Variants in GALNT18 observed in about 807,000 individuals in gnomAD.
GALNT18 encodes the protein GalNAc-transferase 18.
In GALNT18, 44 loss-of-function variants were observed where a neutral mutation model predicts 69.5. The ratio of observed to expected loss-of-function variants is 0.63; its 90% CI spans 0.50 to 0.81. GALNT18 has a LOEUF of 0.81. Among genes scored for constraint, GALNT18 ranks in the 40% least tolerant of loss-of-function variants. The pLI, the probability that GALNT18 is intolerant of heterozygous loss-of-function variation, is 0.00. For missense variants in GALNT18, 715 were observed against 810.0 expected (o/e 0.88, Z 1.42); for synonymous variants, 364 against 318.2 (o/e 1.14, Z -1.53).
rs1345292991 is a variant in GALNT18, at chr11:11,543,302, T to A, written c.235+78057A>T. On this transcript the variant is annotated intron_variant, in intron 1 of 10. Coordinates refer to ENST00000227756, the MANE Select transcript of GALNT18 (RefSeq NM_198516.3). This position sits in a 1 kb window ranked among gnomAD's most constrained non-coding sequence, Gnocchi z 5.1. ...TTGAGAGTAAGTAGAATTTGTGGCC[T>A]AGGTGTCCACTGTCTTAGCTTCATT... 6.6e-6 allele frequency among the ~76,000 whole-genome samples: 1 copy of A among 152,236 alleles called. No homozygotes were observed. Among genetic ancestry groups the A allele is most frequent in the Non-Finnish European group, 1.5e-5 (1 of 68,038 alleles).
chr11:11,285,006 G>A (rs1452674351), intron 10 of GALNT18, among the ~76,000 whole-genome samples: 4 of 147,990 alleles, frequency 2.7e-5, no homozygotes, highest in Admixed American at 1.4e-4. Flanking sequence ...TGTGTGAAGG[G>A]CCCCTTGGAC....
chr11:11,284,908 G>GT (rs58795517), intron 10 of GALNT18, among the ~76,000 whole-genome samples: 1,221 of 82,764 alleles, frequency 0.015, 23 homozygotes, highest in East Asian at 0.041. Flanking sequence ...AGACTTTCGT[G>GT]TTTTTTTTTT....
rs112957156 is a variant in GALNT18 at position 11,373,338 on chromosome 11, T to C, written c.978-709A>G. On this transcript the variant is annotated intron_variant, in intron 5 of 10. Coordinates refer to ENST00000227756, the MANE Select transcript of GALNT18 (RefSeq NM_198516.3). ...CAGAGATAGGAATTTTTTAAAGACA[T>C]ATTTTGATGTAAAATCAGCCCAACT... 9.2e-5 allele frequency among the ~76,000 whole-genome samples: 14 copies of C among 152,266 alleles called. 2 individuals carry two copies. The highest frequency in any genetic ancestry group is 3.1e-4 in the African/African-American group (13 of 41,556).
At chr11:11,545,857 A>G (rs570172990) in intron 1 of GALNT18, among the ~76,000 whole-genome samples, 1 of 152,150 alleles carries the variant, frequency 6.6e-6, no homozygotes, top group Non-Finnish European at 1.5e-5. Context: ...CCTGGATCCC[A>G]GGGGGGATGT....
intron 10 of GALNT18, among the ~76,000 whole-genome samples, chr11:11,291,861 T>TA (rs1241292393): frequency 3.3e-5 from 5 of 152,190 alleles, no homozygotes; most frequent in Non-Finnish European, 7.3e-5. Flanking sequence ...CTGTAAGTGC[T>TA]CTAATTCTGC....
chr11:11,545,808 T>C (rs1476947923), intron 1 of GALNT18, among the ~76,000 whole-genome samples: 1 of 152,208 alleles, frequency 6.6e-6, no homozygotes, highest in African/African-American at 2.4e-5. Flanking sequence ...TTCTGCATTG[T>C]CCTGAGCTAC....
At position 11,389,612 on chromosome 11, in the gene GALNT18, C is replaced by G. The variant is rs576518467; in HGVS notation, c.596-10348G>C. 1.0e-3 allele frequency among the ~76,000 whole-genome samples: 157 copies of G among 152,310 alleles called. 1 individual carries two copies. Among genetic ancestry groups the G allele is most frequent in the African/African-American group, 3.3e-3 (137 of 41,570 alleles). Reference sequence around the variant, plus strand: ...GATAGGTGACTGATGTCAGCTGTGTCCAGGCAGGAGTGGACGCTGCTCCAG... The same window carrying G: ...GATAGGTGACTGATGTCAGCTGTGTGCAGGCAGGAGTGGACGCTGCTCCAG... On this transcript the variant is annotated intron_variant, in intron 3 of 10. Coordinates refer to ENST00000227756, the MANE Select transcript of GALNT18 (RefSeq NM_198516.3). This position sits in a 1 kb window ranked among gnomAD's most constrained non-coding sequence, Gnocchi z 4.3.
At position 11,538,365 on chromosome 11, in the gene GALNT18, T is replaced by C. The variant is rs753973810; in HGVS notation, c.235+82994A>G. ...CAGGGAGCAGCTGGAGGAGGGCTGC[T>C]CTTTCTGCCGCATGTTCATTTCAGC... On this transcript the variant is annotated intron_variant, in intron 1 of 10. Transcript: ENST00000227756. The surrounding 1 kb of genome is among the most constrained non-coding windows in gnomAD (Gnocchi z 5.2). Among the ~76,000 whole-genome samples, 12 of 152,226 alleles carry C rather than the reference T, an allele frequency of 7.9e-5. No individual in the cohort carries two copies. Among genetic ancestry groups the C allele is most frequent in the Non-Finnish European group, 1.8e-4 (12 of 68,002 alleles).
intron 1 of GALNT18, among the ~76,000 whole-genome samples, chr11:11,575,135 C>A (rs996778710): frequency 5.9e-5 from 9 of 152,136 alleles, no homozygotes; most frequent in Non-Finnish European, 1.2e-4. Context: ...ACAACTAATT[C>A]CTGGCAGGGT....
At chr11:11,325,574 T>C (rs1046089552) in intron 9 of GALNT18, among the ~76,000 whole-genome samples, 2 of 152,126 alleles carry the variant, frequency 1.3e-5, no homozygotes, top group Non-Finnish European at 2.9e-5. Context: ...TAAGAAAATA[T>C]ATATTATATA....
intron 1 of GALNT18, among the ~76,000 whole-genome samples, chr11:11,455,022 C>T (rs1245096405): frequency 6.6e-6 from 1 of 152,204 alleles, no homozygotes; most frequent in Non-Finnish European, 1.5e-5. Context: ...AGCAAGCAGT[C>T]ATTCCTGCCC....
intron 1 of GALNT18, among the ~76,000 whole-genome samples, chr11:11,611,910 C>A (rs1859913425): frequency 6.6e-6 from 1 of 152,194 alleles, no homozygotes; most frequent in African/African-American, 2.4e-5. Context: ...TGCTGCCCAC[C>A]CTACCCTCCA....
At chr11:11,326,023 A>G (rs1849911094) in intron 9 of GALNT18, among the ~76,000 whole-genome samples, 1 of 148,780 alleles carries the variant, frequency 6.7e-6, no homozygotes, top group Non-Finnish European at 1.5e-5. Context: ...ACATAGGCAT[A>G]TCTTACATGC....
chr11:11,306,572 T>G (rs976910698), intron 9 of GALNT18, among the ~76,000 whole-genome samples: 5 of 152,232 alleles, frequency 3.3e-5, no homozygotes, highest in African/African-American at 9.6e-5. Flanking sequence ...AGACCTCAGA[T>G]AGCAATGCCA....
intron 6 of GALNT18, among the ~76,000 whole-genome samples, chr11:11,367,748 T>C (rs1850804231): frequency 1.3e-5 from 2 of 152,230 alleles, no homozygotes; most frequent in Admixed American, 1.3e-4. Flanking sequence ...AATCAGTTTC[T>C]CCATGTCCGT....
At chr11:11,495,260 C>A (rs1029068777) in intron 1 of GALNT18, among the ~76,000 whole-genome samples, 1 of 152,102 alleles carries the variant, frequency 6.6e-6, no homozygotes, top group East Asian at 1.9e-4. Context: ...ATGGTGTATA[C>A]AGGAATGTTA....
chr11:11,379,312 C>A, intron 3 of GALNT18, 48 bp from the exon 4 acceptor site: 1 of 1,544,084 alleles, frequency 6.5e-7, no homozygotes, highest in Non-Finnish European at 8.8e-7. Context: ...GGTCAGGAGG[C>A]AGAGGGGGCA....
chr11:11,601,537 A>G lies in GALNT18; in HGVS notation c.235+19822T>C, dbSNP rs552807076. ...TCACCTCCAGCTGTTAGCCTCCACT[A>G]GTTGCTACCTGATTGCTCTATTATT... On this transcript the variant is annotated intron_variant, in intron 1 of 10. Transcript: ENST00000227756. The surrounding 1 kb of genome is among the most constrained non-coding windows in gnomAD (Gnocchi z 4.0). Among the ~76,000 whole-genome samples the G allele has an allele frequency of 1.3e-5, 2 of 152,272 alleles. No individual in the cohort carries two copies. Among genetic ancestry groups the G allele is most frequent in the South Asian group, 4.1e-4 (2 of 4,822 alleles).
chr11:11,297,520 C>A (rs1252582431), intron 9 of GALNT18, among the ~76,000 whole-genome samples: 2 of 152,176 alleles, frequency 1.3e-5, no homozygotes, highest in Non-Finnish European at 2.9e-5. Flanking sequence ...CCTGGGGTCA[C>A]TCCAGCTCCA....
Sources: allele counts gnomAD v4.1 joint callset (sites outside exome capture counted in the v4.1 genomes callset), GRCh38; gene constraint gnomAD v4.1.1; non-coding constraint Gnocchi (gnomAD v3.1); transcripts MANE v1.5; gene names NCBI Gene and HGNC (gene_info 2026-07-23, HGNC 2026-07-21).